Variants in FAF1 observed in about 807,000 individuals in gnomAD.
FAF1 encodes the protein Fas associated factor 1.
FAF1 carries 25 observed loss-of-function variants against 92.5 expected under a neutral mutation model. The ratio of observed to expected loss-of-function variants is 0.27; its 90% CI spans 0.20 to 0.38. The LOEUF is 0.38. Ranked by LOEUF, FAF1 falls within the 10% of genes least tolerant of loss-of-function variation. The pLI is 1.00. For synonymous variants in FAF1, 234 were observed against 273.2 expected (o/e 0.86, Z 1.42); for missense variants, 636 against 793.3 (o/e 0.80, Z 2.38).
At chr1:50,905,221 C>T (rs536052828) in intron 1 of FAF1, among the ~76,000 whole-genome samples, 36 of 152,284 alleles carry the variant, frequency 2.4e-4, no homozygotes, top group African/African-American at 7.9e-4. Flanking sequence ...TGAACTCATC[C>T]ATTTTTATGG....
intron 15 of FAF1, among the ~76,000 whole-genome samples, chr1:50,505,594 G>A (rs1337027744): frequency 6.6e-6 from 1 of 152,156 alleles, no homozygotes; most frequent in African/African-American, 2.4e-5. Context: ...AACTATGTAT[G>A]GTCTTTGGGC....
chr1:50,486,708 G>A lies in FAF1; in HGVS notation c.1653+3880C>T, dbSNP rs138093581. On this transcript the variant is annotated intron_variant, in intron 17 of 18. Transcript: ENST00000396153. ...TGCATTAGACAGTAAGCTCCTTGAG[G>A]GCTGGACTATGCCTCGCACCTACAG... is the stretch of plus-strand genomic sequence containing the variant. Among the ~76,000 whole-genome samples the A allele has an allele frequency of 3.3e-5, 5 of 152,132 alleles. No individual in the cohort carries two copies. In the East Asian group the frequency reaches 7.7e-4, roughly 24 times the overall value.
chr1:50,879,391 T>C (rs1001214958), intron 1 of FAF1, among the ~76,000 whole-genome samples: 1 of 152,180 alleles, frequency 6.6e-6, no homozygotes, highest in East Asian at 1.9e-4. Flanking sequence ...AAGATGACCA[T>C]ATATTCCCTA....
intron 15 of FAF1, among the ~76,000 whole-genome samples, chr1:50,519,478 G>GGAAA (rs1159835581): frequency 6.7e-6 from 1 of 150,368 alleles, no homozygotes; most frequent in Non-Finnish European, 1.5e-5. Context: ...AAGGAAGGAA[G>GGAAA]GAAAGAAAGA....
intron 7 of FAF1, among the ~76,000 whole-genome samples, chr1:50,701,066 T>A (rs1190171380): frequency 6.6e-6 from 1 of 152,138 alleles, no homozygotes; most frequent in Non-Finnish European, 1.5e-5. Flanking sequence ...ATTTAAAAGA[T>A]GCATAATCGT....
At position 50,688,602 on chromosome 1, in the gene FAF1, C is replaced by T. The variant is rs986810063; in HGVS notation, c.657+17184G>A. On this transcript the variant is annotated intron_variant, in intron 7 of 18. Coordinates refer to ENST00000396153, the MANE Select transcript of FAF1 (RefSeq NM_007051.3). ...CCAAGGTGGGTGGATCACCTGAGGG[C>T]GGAAGTTCGAGACCAACCTGACCAA... Among the ~76,000 whole-genome samples, 9 of 152,226 alleles carry T rather than the reference C, an allele frequency of 5.9e-5. No homozygotes were observed. The East Asian group carries it at 7.7e-4, about 13-fold the overall frequency.
chr1:50,702,760 T>G (rs1657525952), intron 7 of FAF1, among the ~76,000 whole-genome samples: 1 of 152,122 alleles, frequency 6.6e-6, no homozygotes, highest in Non-Finnish European at 1.5e-5. Context: ...GAACAAACAC[T>G]TGTACAACTC....
At chr1:50,682,055 G>A (rs1656450588) in intron 7 of FAF1, among the ~76,000 whole-genome samples, 1 of 150,198 alleles carries the variant, frequency 6.7e-6, no homozygotes, top group Non-Finnish European at 1.5e-5. Flanking sequence ...GGCTGGTCAT[G>A]AACTCCTGGG....
At chr1:50,590,347 T>C (rs1389683096) in intron 9 of FAF1, among the ~76,000 whole-genome samples, 1 of 152,214 alleles carries the variant, frequency 6.6e-6, no homozygotes, top group East Asian at 1.9e-4. Flanking sequence ...GCTTTCATAG[T>C]ACAAGTCTCC....
At chr1:50,569,870 T>C (rs1267317599) in intron 12 of FAF1, among the ~76,000 whole-genome samples, 2 of 152,100 alleles carry the variant, frequency 1.3e-5, no homozygotes, top group African/African-American at 4.8e-5. Context: ...CAGCCGACAG[T>C]GTTGACTGAA....
At chr1:50,572,177 C>T (rs1400149141) in intron 12 of FAF1, among the ~76,000 whole-genome samples, 1 of 152,118 alleles carries the variant, frequency 6.6e-6, no homozygotes, top group Non-Finnish European at 1.5e-5. Flanking sequence ...TACAATGATA[C>T]AATAAACACC....
chr1:50,666,663 A>T (rs925045162), intron 7 of FAF1, among the ~76,000 whole-genome samples: 4 of 152,078 alleles, frequency 2.6e-5, no homozygotes, highest in Admixed American at 6.6e-5. Flanking sequence ...TGGGCGGATC[A>T]CCTGAGGTCA....
Position 50,561,848 on chromosome 1 carries a change from C to CGGAAGGAAGGAAGGAAGGAA in FAF1, c.1268+5209_1268+5228dup, listed in dbSNP as rs373578502. 3.3e-3 allele frequency among the ~76,000 whole-genome samples: 425 copies of CGGAAGGAAGGAAGGAAGGAA among 128,538 alleles called. 3 individuals are homozygous for CGGAAGGAAGGAAGGAAGGAA. Among genetic ancestry groups the CGGAAGGAAGGAAGGAAGGAA allele is most frequent in the Middle Eastern group, 0.011 (3 of 276 alleles). 84.3% of individuals were successfully genotyped at this position (128,538 alleles called of 152,430 possible). ...TAGGACAGACGGATGGACGGATGGA[C>CGGAAGGAAGGAAGGAAGGAA]GGAAGGAAGGAAGGAAGGAAGGAAG... is the stretch of plus-strand genomic sequence containing the variant. On this transcript the variant is annotated intron_variant, in intron 13 of 18. Coordinates refer to ENST00000396153, the MANE Select transcript of FAF1 (RefSeq NM_007051.3).
intron 4 of FAF1, among the ~76,000 whole-genome samples, chr1:50,775,757 CG>C (rs777878155): frequency 2.7e-5 from 4 of 148,556 alleles, no homozygotes; most frequent in South Asian, 2.1e-4. Flanking sequence ...CAAAGGGGGA[CG>C]AAAAAAAAAG....
At chr1:50,652,098 C>CT (rs1444067460) in intron 8 of FAF1, among the ~76,000 whole-genome samples, 1 of 152,178 alleles carries the variant, frequency 6.6e-6, no homozygotes, top group African/African-American at 2.4e-5. Context: ...GCAGGCACCA[C>CT]TTCACAGGTT....
At chr1:50,932,774 G>T (rs1285096579) in intron 1 of FAF1, among the ~76,000 whole-genome samples, 1 of 152,322 alleles carries the variant, frequency 6.6e-6, no homozygotes, top group South Asian at 2.1e-4. Context: ...CCTAGCAAAG[G>T]TTCTCCACGA....
At chr1:50,515,471 T>C (rs1177975234) in intron 15 of FAF1, among the ~76,000 whole-genome samples, 1 of 152,146 alleles carries the variant, frequency 6.6e-6, no homozygotes, top group African/African-American at 2.4e-5. Context: ...GCAGAGATTC[T>C]GATTCAGTAG....
chr1:50,888,358 C>A (rs368990818), intron 1 of FAF1, among the ~76,000 whole-genome samples: 33 of 152,176 alleles, frequency 2.2e-4, no homozygotes, highest in East Asian at 1.4e-3. Flanking sequence ...TTAATTGAAT[C>A]CCCTTTCTTT....
At chr1:50,567,944 T>C (rs1345328627) in intron 12 of FAF1, among the ~76,000 whole-genome samples, 1 of 152,086 alleles carries the variant, frequency 6.6e-6, no homozygotes, top group East Asian at 1.9e-4. Flanking sequence ...TTGCTTTCAA[T>C]AAATGACACT....
Sources: gnomAD v4.1 joint callset for allele counts (sites outside exome capture counted in the v4.1 genomes callset) on GRCh38, gnomAD v4.1.1 for gene constraint, MANE v1.5 for transcripts, NCBI Gene and HGNC (gene_info 2026-07-23, HGNC 2026-07-21) for gene names.